Variants in RAD50 observed in about 807,000 individuals in gnomAD.
RAD50 encodes DNA repair protein RAD50.
In RAD50, 132 loss-of-function variants were observed where a neutral mutation model predicts 168.8. The ratio of observed to expected loss-of-function variants is 0.78; its 90% CI spans 0.68 to 0.90. The LOEUF is 0.90. Ranked by LOEUF, RAD50 falls within the 40% of genes least tolerant of loss-of-function variation. The pLI, the probability that RAD50 is intolerant of heterozygous loss-of-function variation, is 0.00. For missense variants in RAD50, 1,347 were observed against 1,534.4 expected (o/e 0.88, Z 2.04); for synonymous variants, 525 against 497.4 (o/e 1.06, Z -0.74).
rs556301488 is a variant in RAD50 at position 132,588,722 on chromosome 5, C to A, written c.1087C>A (p.His363Asn). The change falls in exon 8 of 25, where the codon CAT becomes AAT. Residue 363 changes from histidine (H) to asparagine (N), a missense_variant. Physicochemically the swap from His to Asn is moderately conservative, Grantham distance 68 (BLOSUM62 1). Transcript: ENST00000378823. ...LQLQADRHQE[H>N]IRARDSLIQS... ...GCTGCAAGCAGATCGCCATCAAGAA[C>A]ATATCCGAGCTAGAGATTCATTAAT... 2 of 1,613,780 alleles carry A rather than the reference C, an allele frequency of 1.2e-6. No homozygotes were observed. Among genetic ancestry groups the A allele is most frequent in the South Asian group, 2.2e-5 (2 of 91,056 alleles).
chr5:132,618,296 T>G lies in RAD50; in HGVS notation c.3389+2T>G. The G allele has an allele frequency of 2.5e-6, 4 of 1,613,962 alleles. No individual in the cohort carries two copies. The highest frequency in any genetic ancestry group is 3.4e-6 in the Non-Finnish European group (4 of 1,179,926). On this transcript the variant is annotated splice_donor_variant, in intron 21 of 24. Transcript: ENST00000378823. LOFTEE classifies it high-confidence loss of function. ...TATTTATTATAAGACTCTTGACCAG[T>G]AAGTATTAGACTGGGGATTTTCTTA...
At chr5:132,616,174 T>C (rs1044891714) in intron 20 of RAD50, 44 bp downstream of exon 20, 5 of 1,576,556 alleles carry the variant, frequency 3.2e-6, no homozygotes, top group Non-Finnish European at 4.3e-6. Flanking sequence ...ACGTCTTTAT[T>C]ACTGGAATGT....
Position 132,588,762 on chromosome 5 carries a change from C to T in RAD50, c.1127C>T (p.Thr376Ile), listed in dbSNP as rs771888888. The change falls in exon 8 of 25, where the codon ACA becomes ATA. Residue 376 changes from threonine to isoleucine, a missense_variant. Transcript: ENST00000378823. ...ARDSLIQSLA[T>I]QLELDGFERG... Reference sequence around the variant, plus strand: ...GATTCATTAATTCAGTCTTTGGCAACACAGCTAGAATTGGATGGCTTTGAG... The same window carrying T: ...GATTCATTAATTCAGTCTTTGGCAATACAGCTAGAATTGGATGGCTTTGAG... 1 of 1,613,818 alleles carries T rather than the reference C, an allele frequency of 6.2e-7. No individual in the cohort carries two copies.
intron 5 of RAD50, among the ~76,000 whole-genome samples, chr5:132,586,208 ACTT>A (rs1436378938): frequency 6.6e-6 from 1 of 152,168 alleles, no homozygotes; most frequent in Non-Finnish European, 1.5e-5. Context: ...ACAAATGTCC[ACTT>A]CTTCTAGCAC....
At chr5:132,638,343 A>C (rs942456975) in intron 23 of RAD50, 120 bp downstream of exon 23, 1 of 1,177,878 alleles carries the variant, frequency 8.5e-7, no homozygotes, top group African/African-American at 1.5e-5. Flanking sequence ...CTTTGCTGCT[A>C]TATAAAATGA....
Position 132,645,498 on chromosome 5 carries a change from C to T in RAD50, c.*3134C>T, listed in dbSNP as rs933781616. On this transcript the variant is annotated 3_prime_UTR_variant, in exon 25 of 25. Coordinates refer to ENST00000378823, the MANE Select transcript of RAD50 (RefSeq NM_005732.4). ...TCAGAGTCTGCACCTCTTTTCTTCT[C>T]TGTGCTCACTTATTTGGTGATCTCA... 5 of 152,302 alleles carry T rather than the reference C, an allele frequency of 3.3e-5. No individual in the cohort carries two copies. Among genetic ancestry groups the T allele is most frequent in the African/African-American group, 7.2e-5 (3 of 41,460 alleles). 9.4% of individuals were successfully genotyped at this position (152,302 alleles called of 1,614,324 possible).
At chr5:132,632,944 T>TA (rs1227217152) in intron 21 of RAD50, among the ~76,000 whole-genome samples, 1 of 152,208 alleles carries the variant, frequency 6.6e-6, no homozygotes, top group African/African-American at 2.4e-5. Flanking sequence ...CTCCAAGAAT[T>TA]ACCTATTCAT....
At chr5:132,574,307 C>T (rs1309498749) in intron 2 of RAD50, among the ~76,000 whole-genome samples, 4 of 152,210 alleles carry the variant, frequency 2.6e-5, no homozygotes, top group Non-Finnish European at 4.4e-5. Flanking sequence ...CTCAACACCA[C>T]GTGGAAGCTG....
At chr5:132,570,191 C>CA (rs1377255797) in intron 2 of RAD50, among the ~76,000 whole-genome samples, 1 of 151,918 alleles carries the variant, frequency 6.6e-6, no homozygotes. Context: ...AAGGCATCCA[C>CA]AAAAACAAGC....
chr5:132,637,824 G>A (rs948256691), intron 22 of RAD50, among the ~76,000 whole-genome samples: 1 of 152,108 alleles, frequency 6.6e-6, no homozygotes, highest in African/African-American at 2.4e-5. Context: ...GAGCCACCGC[G>A]CCTGGCCTGG....
intron 2 of RAD50, among the ~76,000 whole-genome samples, chr5:132,568,532 G>A (rs548063428): frequency 9.8e-5 from 15 of 152,310 alleles, no homozygotes; most frequent in Admixed American, 9.8e-4. Context: ...ACATAACTAT[G>A]TTGTACATTA....
intron 2 of RAD50, among the ~76,000 whole-genome samples, chr5:132,571,577 G>C (rs551915012): frequency 6.6e-6 from 1 of 152,278 alleles, no homozygotes; most frequent in African/African-American, 2.4e-5. Flanking sequence ...AATTGGCGGG[G>C]TGTGGTGGCA....
At chr5:132,600,774 G>GA (rs761961256) in intron 13 of RAD50, among the ~76,000 whole-genome samples, 2 of 151,940 alleles carry the variant, frequency 1.3e-5, no homozygotes, top group East Asian at 1.9e-4. Flanking sequence ...TTGAGTTTCT[G>GA]AAAAAACAGA....
At chr5:132,620,126 C>T (rs60156285) in intron 21 of RAD50, among the ~76,000 whole-genome samples, 22,163 of 151,806 alleles carry the variant, frequency 0.15, 2,089 homozygotes, top group Middle Eastern at 0.24. Flanking sequence ...AGGATGGTCT[C>T]GATTTCCTGA....
intron 3 of RAD50, among the ~76,000 whole-genome samples, chr5:132,577,298 C>T (rs1383395435): frequency 6.6e-6 from 1 of 152,194 alleles, no homozygotes; most frequent in East Asian, 1.9e-4. Context: ...TCCTCTCTCA[C>T]ATTAAAGGAC....
At chr5:132,589,183 T>C (rs1191065180) in intron 8 of RAD50, among the ~76,000 whole-genome samples, 2 of 152,232 alleles carry the variant, frequency 1.3e-5, no homozygotes, top group Non-Finnish European at 2.9e-5. Context: ...TTTTGATTGT[T>C]TTTAAAATAC....
At chr5:132,575,112 G>A (rs1434296158) in intron 2 of RAD50, among the ~76,000 whole-genome samples, 1 of 152,150 alleles carries the variant, frequency 6.6e-6, no homozygotes, top group African/African-American at 2.4e-5. Context: ...TTTACTGTAT[G>A]AGTCCGTTTT....
At chr5:132,574,128 G>T (rs1750354154) in intron 2 of RAD50, among the ~76,000 whole-genome samples, 1 of 152,182 alleles carries the variant, frequency 6.6e-6, no homozygotes, top group Admixed American at 6.5e-5. Context: ...GGAACTCTGT[G>T]GGGTTTCAAC....
intron 19 of RAD50, among the ~76,000 whole-genome samples, chr5:132,614,994 C>G (rs1751151732): frequency 6.6e-6 from 1 of 152,136 alleles, no homozygotes; most frequent in Non-Finnish European, 1.5e-5. Context: ...TCTCACTTCC[C>G]ATGTCACTGA....
Sources: allele counts gnomAD v4.1 joint callset (sites outside exome capture counted in the v4.1 genomes callset), GRCh38; gene constraint gnomAD v4.1.1; transcripts MANE v1.5; gene names NCBI Gene and HGNC (gene_info 2026-07-23, HGNC 2026-07-21).